The following MAST3 variants were observed in gnomAD, a reference collection of about 807,000 sequenced individuals.
The protein encoded by MAST3 is microtubule-associated serine/threonine-protein kinase 3.
A neutral mutation model predicts 127.0 loss-of-function variants in MAST3; 43 were observed. The ratio of observed to expected loss-of-function variants is 0.34; its 90% CI spans 0.27 to 0.44. MAST3 has a LOEUF of 0.44. Among genes scored for constraint, MAST3 ranks in the 20% least tolerant of loss-of-function variants. MAST3 has a pLI of 1.00. For missense variants in MAST3, 1,390 were observed against 1,919.1 expected (o/e 0.72, Z 5.15); for synonymous variants, 785 against 809.2 (o/e 0.97, Z 0.51).
At position 18,125,212 on chromosome 19, in the gene MAST3, A is replaced by G. The variant is rs368878839; in HGVS notation, c.1078+438A>G. Among the ~76,000 whole-genome samples the G allele has an allele frequency of 2.0e-5, 3 of 152,168 alleles. No homozygotes were observed. In the East Asian group the frequency reaches 5.8e-4, roughly 29 times the overall value. ...TTTGTCTCTCTGTGGCCTTGCTCTT[A>G]GGTCACCTGTGGGAATTATGCTGAG... On this transcript the variant is annotated intron_variant, in intron 11 of 27. Coordinates refer to ENST00000687212, the MANE Select transcript of MAST3 (RefSeq NM_001393504.1).
chr19:18,123,309 A>G lies in MAST3; in HGVS notation c.492A>G (p.Ser164=). Residue 164 remains serine, a synonymous_variant, in exon 7 of 28, where the codon TCA becomes TCG. Transcript: ENST00000687212. ...TCCTGTCCAAGCACTTCCGCAGCTC[A>G]GAGAATGTGCTTGATGAGGAAGGCG... is the stretch of plus-strand genomic sequence containing the variant. ...LHFLSKHFRS[S]ENVLDEEGGR... is the part of the protein sequence containing the mutation. 2 of 1,613,858 alleles carry G rather than the reference A, an allele frequency of 1.2e-6. No homozygotes were observed. Among genetic ancestry groups the G allele is most frequent in the African/African-American group, 2.7e-5 (2 of 75,024 alleles).
chr19:18,101,947 G>A (rs1304599257), intron 1 of MAST3, among the ~76,000 whole-genome samples: 1 of 143,988 alleles, frequency 6.9e-6, no homozygotes, highest in East Asian at 2.0e-4. Flanking sequence ...GAGTGCAGTG[G>A]CGTGATCTCC....
At chr19:18,135,322 G>A (rs1347282402) in intron 17 of MAST3, among the ~76,000 whole-genome samples, 2 of 151,998 alleles carry the variant, frequency 1.3e-5, no homozygotes, top group East Asian at 3.9e-4. Context: ...AAAATTAGCC[G>A]AGCATGGTGG....
chr19:18,121,267 T>G (rs2147160079), intron 3 of MAST3, among the ~76,000 whole-genome samples: 1 of 150,990 alleles, frequency 6.6e-6, no homozygotes, highest in African/African-American at 2.4e-5. Flanking sequence ...AGCGATCCTC[T>G]TGCCTCAGCC....
chr19:18,138,981 T>A (rs2042168614), intron 19 of MAST3, 34 bp from the exon 20 acceptor site: 1 of 1,399,002 alleles, frequency 7.1e-7, no homozygotes, highest in Non-Finnish European at 9.9e-7. Flanking sequence ...TCTCTGGGCA[T>A]CAGGCGTGCT....
chr19:18,119,241 G>A (rs1038976039), intron 3 of MAST3, among the ~76,000 whole-genome samples: 1 of 152,200 alleles, frequency 6.6e-6, no homozygotes, highest in African/African-American at 2.4e-5. Flanking sequence ...AGAACAGGAG[G>A]GAGGGCAACG....
In MAST3 at chr19:18,147,485, G is replaced by A; in HGVS notation, c.3369G>A (p.Val1123=). Residue 1123 remains valine (V), a synonymous_variant, in exon 27 of 28, where the codon GTG becomes GTA. Coordinates refer to ENST00000687212, the MANE Select transcript of MAST3 (RefSeq NM_001393504.1). ...LFKKISKQTS[V]LHTSRSFSSG... Reference sequence around the variant, plus strand: ...AGAAGATCTCCAAGCAGACCTCCGTGCTGCACACCAGCCGCAGCTTCTCCT... The same window carrying A: ...AGAAGATCTCCAAGCAGACCTCCGTACTGCACACCAGCCGCAGCTTCTCCT... 1 of 1,613,242 alleles carries A rather than the reference G, an allele frequency of 6.2e-7. No homozygotes were observed. The highest frequency in any genetic ancestry group is 1.1e-5 in the South Asian group (1 of 91,000).
At chr19:18,104,480 C>T (rs1426837433) in intron 1 of MAST3, among the ~76,000 whole-genome samples, 2 of 152,124 alleles carry the variant, frequency 1.3e-5, no homozygotes, top group Admixed American at 6.6e-5. Flanking sequence ...CCCGGGAGAC[C>T]TTGCCCTCCC....
intron 15 of MAST3, among the ~76,000 whole-genome samples, chr19:18,133,254 G>T (rs770505813): frequency 1.3e-5 from 2 of 152,114 alleles, no homozygotes; most frequent in African/African-American, 4.8e-5. Flanking sequence ...ACACACTAAC[G>T]TTGGGTTTCT....
At position 18,143,949 on chromosome 19, in the gene MAST3, G is replaced by C. The variant is rs1462347300; in HGVS notation, c.2526G>C (p.Gly842=). 2 of 1,607,276 alleles carry C rather than the reference G, an allele frequency of 1.2e-6. No individual in the cohort carries two copies. The highest frequency in any genetic ancestry group is 2.7e-5 in the African/African-American group (2 of 74,840). ...AGPKRPVFIL[G]EPDPPPAATP... is the part of the protein sequence containing the mutation. ...CCAAGAGGCCCGTCTTCATTCTAGG[G>C]GAGCCTGACCCCCCACCAGCGGCCA... Residue 842 remains glycine (G), a synonymous_variant, in exon 22 of 28, where the codon GGG becomes GGC. Coordinates refer to ENST00000687212, the MANE Select transcript of MAST3 (RefSeq NM_001393504.1).
intron 1 of MAST3, among the ~76,000 whole-genome samples, chr19:18,105,191 A>C (rs950669269): frequency 1.2e-4 from 18 of 151,926 alleles, no homozygotes; most frequent in African/African-American, 4.3e-4. Flanking sequence ...ACATAGTGAA[A>C]CCTCGTCTCT....
chr19:18,105,389 AAC>A (rs1333782390), intron 1 of MAST3, among the ~76,000 whole-genome samples: 1 of 151,224 alleles, frequency 6.6e-6, no homozygotes, highest in African/African-American at 2.4e-5. Flanking sequence ...ACAAACAAAA[AAC>A]TGGTTTTTTG....
rs1476210046 is a variant in MAST3, at chr19:18,149,324, C to A, written c.3642C>A (p.Gly1214=). The change falls in exon 28 of 28, where the codon GGC becomes GGA. Residue 1214 remains glycine (G), a synonymous_variant. Transcript: ENST00000687212. The surrounding 1 kb of genome is among the most constrained non-coding windows in gnomAD (Gnocchi z 5.9). ...TTGGGCCACCCCGCCCCAAGACTGG[C>A]CGCCGCAAGTCCACCAGCAGCATCC... ...AKLGPPRPKT[G]RRKSTSSIPP... 3 of 1,526,770 alleles carry A rather than the reference C, an allele frequency of 2.0e-6. No individual in the cohort carries two copies. The African/African-American group carries it at 4.3e-5, about 22-fold the overall frequency. The allele number at this position is 1,526,770 out of a possible 1,614,324, so 94.6% of individuals were successfully genotyped here. A position where few individuals can be genotyped will look rare whatever the true frequency, so the allele number is the denominator to read the frequency against.
chr19:18,122,881 C>A, intron 6 of MAST3, 130 bp downstream of exon 6: 1 of 1,016,208 alleles, frequency 9.8e-7, no homozygotes, highest in Non-Finnish European at 1.5e-6. Flanking sequence ...TTCCTCCATG[C>A]ACGCCCCATT....
At chr19:18,115,289 C>A (rs2039094472) in intron 3 of MAST3, among the ~76,000 whole-genome samples, 1 of 151,968 alleles carries the variant, frequency 6.6e-6, no homozygotes, top group Non-Finnish European at 1.5e-5. Context: ...AAACTGAGGA[C>A]AAATGAGCAT....
At chr19:18,107,725 A>G in intron 2 of MAST3, 107 bp downstream of exon 2, 2 of 1,176,230 alleles carry the variant, frequency 1.7e-6, no homozygotes, top group Non-Finnish European at 2.5e-6. Flanking sequence ...TTACAGCAAC[A>G]CATCTCATGT....
At chr19:18,099,996 G>T (rs572960412) in intron 1 of MAST3, among the ~76,000 whole-genome samples, 11 of 152,042 alleles carry the variant, frequency 7.2e-5, no homozygotes, top group African/African-American at 1.4e-4. Context: ...GAGCAGGAGT[G>T]GGGGAATCAA....
Position 18,145,817 on chromosome 19 carries a change from G to A in MAST3, c.3114G>A (p.Glu1038=). 1 of 1,594,086 alleles carries A rather than the reference G, an allele frequency of 6.3e-7. No individual in the cohort carries two copies. Among genetic ancestry groups the A allele is most frequent in the Admixed American group, 1.8e-5 (1 of 54,566 alleles). The part of the protein sequence containing the change: ...AGDLITHING[E]SVLGLVHMDV... Reference sequence around the variant, plus strand: ...ACCTCATCACCCACATCAACGGGGAGTCAGTGCTGGGGCTGGTGCACATGG... The same window carrying A: ...ACCTCATCACCCACATCAACGGGGAATCAGTGCTGGGGCTGGTGCACATGG... The change falls in exon 25 of 28, where the codon GAG becomes GAA. Residue 1038 remains glutamate, a synonymous_variant. Coordinates refer to ENST00000687212, the MANE Select transcript of MAST3 (RefSeq NM_001393504.1). The surrounding 1 kb of genome is among the most constrained non-coding windows in gnomAD (Gnocchi z 5.9).
intron 11 of MAST3, among the ~76,000 whole-genome samples, chr19:18,125,652 A>T (rs973129255): frequency 2.0e-5 from 3 of 150,032 alleles, no homozygotes; most frequent in Admixed American, 2.0e-4. Context: ...GAGGCAGGAG[A>T]ATCATTTGAA....
Sources: allele counts gnomAD v4.1 joint callset (sites outside exome capture counted in the v4.1 genomes callset), GRCh38; gene constraint gnomAD v4.1.1; non-coding constraint Gnocchi (gnomAD v3.1); transcripts MANE v1.5; gene names NCBI Gene and HGNC (gene_info 2026-07-23, HGNC 2026-07-21).